The following TUBB8B variants were observed in gnomAD, a reference collection of about 807,000 sequenced individuals.
TUBB8B encodes the protein tubulin beta 8B.
A neutral mutation model predicts 31.9 loss-of-function variants in TUBB8B; 26 were observed. That is an observed-to-expected ratio of 0.81 (90% CI 0.60 to 1.13). TUBB8B has a LOEUF of 1.13. Among genes scored for constraint, TUBB8B ranks in the 50% most tolerant of loss-of-function variants. The pLI is 0.00. For synonymous variants in TUBB8B, 173 were observed against 231.0 expected, an observed-to-expected ratio of 0.75 and a Z score of 2.28; for missense variants, 467 against 586.7, an observed-to-expected ratio of 0.80 and a Z score of 2.11.
the TUBB8B span, among the ~76,000 whole-genome samples, chr18:59,361 A>AATTTT: frequency 1.3e-5 from 2 of 151,600 alleles, no homozygotes; most frequent in African/African-American, 2.4e-5. Context: ...TTTTAGAGGA[A>AATTTT]AGGCTTTTAG....
the TUBB8B span, among the ~76,000 whole-genome samples, chr18:66,246 A>G: frequency 6.6e-6 from 1 of 152,176 alleles, no homozygotes; most frequent in Admixed American, 6.6e-5. Context: ...AAAGAAAAAG[A>G]AATTACATTT....
the TUBB8B span, among the ~76,000 whole-genome samples, chr18:72,594 GT>G: frequency 1.3e-5 from 2 of 152,108 alleles, no homozygotes; most frequent in African/African-American, 2.4e-5. Context: ...CTTGAGTGCA[GT>G]GGCATGACCA....
At chr18:63,697 C>G in the TUBB8B span, among the ~76,000 whole-genome samples, 16 of 134,806 alleles carry the variant, frequency 1.2e-4, no homozygotes. Flanking sequence ...ACCCCTAACC[C>G]TAACCCTAAC....
At chr18:73,216 G>C in the TUBB8B span, 1 of 154,626 alleles carries the variant, frequency 6.5e-6, no homozygotes, top group African/African-American at 2.4e-5. Context: ...AGGGACGCTT[G>C]CACAAAGTGA....
chr18:61,995 C>G, the TUBB8B span, among the ~76,000 whole-genome samples: 1 of 151,664 alleles, frequency 6.6e-6, no homozygotes, highest in Non-Finnish European at 1.5e-5. Context: ...CTCAGAACTC[C>G]CTTTTGCATT....
the TUBB8B span, among the ~76,000 whole-genome samples, chr18:59,689 G>A: frequency 4.0e-5 from 6 of 151,288 alleles, no homozygotes; most frequent in Admixed American, 4.0e-4. Context: ...GATTACAGGT[G>A]CCCACCACTC....
At chr18:67,703 G>C in the TUBB8B span, among the ~76,000 whole-genome samples, 1 of 152,154 alleles carries the variant, frequency 6.6e-6, no homozygotes, top group African/African-American at 2.4e-5. Flanking sequence ...CTGTGAAGGT[G>C]TTTTCAGAAG....
At chr18:55,398 G>A in the TUBB8B span, among the ~76,000 whole-genome samples, 14 of 151,956 alleles carry the variant, frequency 9.2e-5, no homozygotes, top group South Asian at 1.9e-3. Flanking sequence ...TGTGCCTGGC[G>A]AGACTGGGTA....
chr18:64,035 T>C, the TUBB8B span, among the ~76,000 whole-genome samples: 3 of 142,952 alleles, frequency 2.1e-5, no homozygotes, highest in African/African-American at 8.1e-5. Context: ...CCCTTAACCC[T>C]AACCCTTAAC....
In TUBB8B at chr18:49,277, T is replaced by G. The variant is rs956984135; in HGVS notation, c.58-40A>C. On this transcript the variant is annotated intron_variant, in intron 1 of 3. Coordinates refer to ENST00000308911, the MANE Select transcript of TUBB8B (RefSeq NM_001358689.2). ...AGGGGCCAGACAGGCCGGGGCTGAG[T>G]CACGGAGGCGCCCCAGCCGCTCTCC... The G allele has an allele frequency of 9.3e-6, 14 of 1,512,652 alleles. No homozygotes were observed. The African/African-American group carries it at 1.1e-4, about 12-fold the overall frequency. 93.7% of individuals were successfully genotyped at this position (1,512,652 alleles called of 1,614,324 possible). A position where few individuals can be genotyped will look rare whatever the true frequency, so the allele number is the denominator to read the frequency against.
chr18:50,011 G>A, upstream of TUBB8B: 2 of 423,282 alleles, frequency 4.7e-6, no homozygotes, highest in South Asian at 3.4e-5. Flanking sequence ...CCTTCCATAT[G>A]TTAACTCAAC....
Position 49,044 on chromosome 18 carries a change from C to G in TUBB8B, c.173G>C (p.Arg58Thr). 15 of 1,602,294 alleles carry G rather than the reference C, an allele frequency of 9.4e-6. 1 individual carries two copies. Among genetic ancestry groups the G allele is most frequent in the Non-Finnish European group, 1.2e-5 (14 of 1,172,098 alleles). The change falls in exon 3 of 4, where the codon AGG (arginine) becomes ACG (threonine). Residue 58 changes from arginine (R) to threonine (T), a missense_variant. Around this residue, in one of 2 missense-constraint regions of TUBB8B, gnomAD observed 259 missense variants for 380.1 expected, o/e 0.68. Transcript: ENST00000308911. ...NVHHHEASGG[R>T]YVPRAVLVDL... is the part of the protein sequence containing the mutation. The stretch of plus-strand genomic sequence containing the variant: ...CACGAGCACAGCGCGGGGCACGTAC[C>G]TGCCACCTGCGTGGGGCGGGAGGGC...
At chr18:60,082 T>G in the TUBB8B span, among the ~76,000 whole-genome samples, 1 of 151,918 alleles carries the variant, frequency 6.6e-6, no homozygotes, top group Non-Finnish European at 1.5e-5. Flanking sequence ...CCTCAAAGAA[T>G]GAGTTTGGAA....
upstream of TUBB8B, among the ~76,000 whole-genome samples, chr18:54,511 C>T (rs1304114064): frequency 6.6e-6 from 1 of 151,762 alleles, no homozygotes; most frequent in African/African-American, 2.4e-5. Flanking sequence ...ACCCATTTCA[C>T]ATCCCCACTA....
the TUBB8B span, among the ~76,000 whole-genome samples, chr18:70,349 G>A: frequency 6.6e-6 from 1 of 151,922 alleles, no homozygotes; most frequent in Non-Finnish European, 1.5e-5. Context: ...AAGGACCCCA[G>A]GGACAGGGCA....
the TUBB8B span, among the ~76,000 whole-genome samples, chr18:73,059 C>T: frequency 1.3e-5 from 2 of 152,154 alleles, no homozygotes; most frequent in Non-Finnish European, 2.9e-5. Context: ...CCCAACATCC[C>T]CACCGCCCGA....
the TUBB8B span, among the ~76,000 whole-genome samples, chr18:72,197 A>AAAAAAAAAAAAAAAAAAAAAAAC: frequency 8.6e-6 from 1 of 116,390 alleles, no homozygotes; most frequent in Non-Finnish European, 1.8e-5. Context: ...AAAAAAAAAA[A>AAAAAAAAAAAAAAAAAAAAAAAC]AAGGAAAAAA....
At chr18:58,266 CAAA>C in the TUBB8B span, among the ~76,000 whole-genome samples, 3 of 151,592 alleles carry the variant, frequency 2.0e-5, no homozygotes, top group Non-Finnish European at 2.9e-5. Context: ...GACTAGGCTG[CAAA>C]GTTTTTAAGC....
chr18:57,228 T>C, the TUBB8B span, among the ~76,000 whole-genome samples: 1 of 151,714 alleles, frequency 6.6e-6, no homozygotes, highest in Non-Finnish European at 1.5e-5. Context: ...CAGCCTTAAC[T>C]CAAAAGTCAA....
Sources: gnomAD v4.1 joint callset for allele counts (sites outside exome capture counted in the v4.1 genomes callset) on GRCh38, gnomAD v4.1.1 for gene constraint, gnomAD v4.1.1 regional missense constraint, MANE v1.5 for transcripts, NCBI Gene and HGNC (gene_info 2026-07-23, HGNC 2026-07-21) for gene names.